The following RABL3 variants were observed in gnomAD, a reference collection of about 807,000 sequenced individuals.
The protein encoded by RABL3 is RAB, member of RAS oncogene family like 3.
In RABL3, 31 loss-of-function variants were observed where a neutral mutation model predicts 31.8. That is an observed-to-expected ratio of 0.97 (90% confidence interval 0.73 to 1.31). RABL3 has a LOEUF of 1.31. RABL3 is among the 40% of genes most tolerant of loss of function. The probability of loss-of-function intolerance (pLI) is 0.00; values close to 1 mark genes in which losing one functional copy is unlikely to be tolerated. For missense variants in RABL3, 263 were observed against 279.6 expected, an observed-to-expected ratio of 0.94 and a Z score of 0.42; for synonymous variants, 97 against 99.9, an observed-to-expected ratio of 0.97 and a Z score of 0.18.
chr3:120,723,734 G>C (rs1373296868), intron 2 of RABL3, among the ~76,000 whole-genome samples: 2 of 152,118 alleles, frequency 1.3e-5, no homozygotes, highest in Non-Finnish European at 2.9e-5. Context: ...AAAAACCTTT[G>C]ACAAAATTCA....
At chr3:120,707,147 G>A (rs1708558375) in intron 3 of RABL3, among the ~76,000 whole-genome samples, 1 of 152,126 alleles carries the variant, frequency 6.6e-6, no homozygotes, top group African/African-American at 2.4e-5. Context: ...AAAAGCAGAA[G>A]AGGTAGAATT....
chr3:120,742,401 G>A (rs1709057050), intron 1 of RABL3, 61 bp downstream of exon 1: 13 of 1,508,290 alleles, frequency 8.6e-6, no homozygotes, highest in South Asian at 1.1e-5. Context: ...GGAAGCTAAG[G>A]GGAGGGTTAC....
intron 2 of RABL3, among the ~76,000 whole-genome samples, chr3:120,724,681 C>G (rs1027096290): frequency 6.6e-6 from 1 of 152,064 alleles, no homozygotes; most frequent in Admixed American, 6.6e-5. Flanking sequence ...ACAAATCTGA[C>G]AAAAACAAGA....
At chr3:120,739,851 A>T (rs1709020701) in intron 1 of RABL3, among the ~76,000 whole-genome samples, 1 of 152,230 alleles carries the variant, frequency 6.6e-6, no homozygotes, top group Admixed American at 6.5e-5. Flanking sequence ...TAATTGTGTT[A>T]GGGTAAACAT....
chr3:120,708,008 T>C (rs75746203), intron 3 of RABL3, among the ~76,000 whole-genome samples: 2,786 of 152,102 alleles, frequency 0.018, 92 homozygotes, highest in African/African-American at 0.064. Flanking sequence ...CCTAGGCTAT[T>C]AGAGAGGGAA....
Position 120,709,866 on chromosome 3 carries a change from T to G in RABL3, c.182A>C (p.Tyr61Ser), listed in dbSNP as rs1408008626. The change falls in exon 3 of 8, where the codon TAC becomes TCC. Residue 61 changes from tyrosine (Y) to serine (S), a missense_variant. Tyr to Ser is a moderately radical substitution (Grantham distance 144). Coordinates refer to ENST00000273375, the MANE Select transcript of RABL3 (RefSeq NM_173825.5). Reference protein sequence around the residue: ...KEGTPEEKTYYIELWDVGGSV... With the variant: ...KEGTPEEKTYSIELWDVGGSV... ...GCCTCCAACATCCCATAATTCTATG[T>G]AGTAGGTCTTCTCTTCTGGGGTTCC... is the stretch of plus-strand genomic sequence containing the variant. 6.2e-7 allele frequency: 1 copy of G among 1,609,676 alleles called. No homozygotes were observed.
At chr3:120,695,226 A>G (rs944060644) in intron 5 of RABL3, among the ~76,000 whole-genome samples, 1 of 152,086 alleles carries the variant, frequency 6.6e-6, no homozygotes. Context: ...TTCATATGCA[A>G]CATTTCAAGG....
intron 2 of RABL3, among the ~76,000 whole-genome samples, chr3:120,715,001 C>A (rs1390281573): frequency 1.3e-5 from 2 of 152,188 alleles, no homozygotes; most frequent in Non-Finnish European, 2.9e-5. Flanking sequence ...ATTTCCAGGA[C>A]AGCTCCAGGT....
intron 6 of RABL3, among the ~76,000 whole-genome samples, chr3:120,692,298 A>G (rs1708389725): frequency 1.3e-5 from 2 of 152,096 alleles, no homozygotes; most frequent in South Asian, 4.2e-4. Flanking sequence ...TCCTGGGTTC[A>G]CGCCATTCTC....
chr3:120,720,796 C>T (rs1708730181), intron 2 of RABL3, among the ~76,000 whole-genome samples: 2 of 152,154 alleles, frequency 1.3e-5, no homozygotes, highest in Non-Finnish European at 2.9e-5. Context: ...CCCAATCTAG[C>T]AAGGCAGGCC....
At chr3:120,742,412 T>C (rs1576352963) in intron 1 of RABL3, 50 bp downstream of exon 1, 4 of 1,570,560 alleles carry the variant, frequency 2.5e-6, no homozygotes, top group Non-Finnish European at 3.5e-6. Flanking sequence ...GGAGGGTTAC[T>C]GGGTAACTCA....
rs1708580877 is a variant in RABL3, at chr3:120,708,886, CT to C, written c.268+893del. ...ATAATATGTATCCAATGAAAAGAAC[CT>C]TCTCTACATCTTTTTGTAGAGTCTA... On this transcript the variant is annotated intron_variant, in intron 3 of 7. Transcript: ENST00000273375. Among the ~76,000 whole-genome samples the C allele has an allele frequency of 2.0e-5, 3 of 151,978 alleles. No individual in the cohort carries two copies. In the South Asian group the frequency reaches 6.2e-4, roughly 31 times the overall value.
chr3:120,706,021 G>T lies in RABL3; in HGVS notation c.362C>A (p.Thr121Asn). 2 of 1,612,122 alleles carry T rather than the reference G, an allele frequency of 1.2e-6. No homozygotes were observed. Among genetic ancestry groups the T allele is most frequent in the Non-Finnish European group, 1.7e-6 (2 of 1,178,184 alleles). The part of the protein sequence containing the change: ...LEALNRDLVP[T>N]GVLVTNGDYD... Reference sequence around the variant, plus strand: ...TCACCCATTTGTCACCAAGACTCCAGTTGGCACCAAATCCCTGTTGAGAGC... The same window carrying T: ...TCACCCATTTGTCACCAAGACTCCATTTGGCACCAAATCCCTGTTGAGAGC... Residue 121 changes from threonine to asparagine, a missense_variant, in exon 4 of 8, where the codon ACT (threonine) becomes AAT (asparagine). Thr to Asn is a moderately conservative substitution (Grantham distance 65). Transcript: ENST00000273375.
intron 4 of RABL3, 49 bp downstream of exon 4, chr3:120,705,951 A>C (rs1255546331): frequency 9.3e-6 from 10 of 1,078,836 alleles, no homozygotes; most frequent in Non-Finnish European, 1.4e-5. Context: ...AGGGAAGTAC[A>C]TTCCTGTGAT....
Position 120,709,811 on chromosome 3 carries a change from G to A in RABL3, c.237C>T (p.Ser79=), listed in dbSNP as rs1490957677. 3.1e-6 allele frequency: 5 copies of A among 1,612,082 alleles called. No individual in the cohort carries two copies. The highest frequency in any genetic ancestry group is 4.2e-6 in the Non-Finnish European group (5 of 1,178,492). The part of the protein sequence containing the change: ...GSVGSASSVK[S]TRAVFYNSVN... ...CGGAGTTGTAGAATACTGCTCTTGTGCTTTTCACGCTGCTGGCACTGCCCA... is the reference window on the plus strand; with the variant it reads ...CGGAGTTGTAGAATACTGCTCTTGTACTTTTCACGCTGCTGGCACTGCCCA... Residue 79 remains serine, a synonymous_variant, in exon 3 of 8, where the codon AGC becomes AGT. Transcript: ENST00000273375.
At chr3:120,740,225 T>C (rs192870802) in intron 1 of RABL3, among the ~76,000 whole-genome samples, 8 of 152,316 alleles carry the variant, frequency 5.3e-5, no homozygotes, top group East Asian at 1.9e-4. Flanking sequence ...AATATCTCAA[T>C]AGGATAAAAA....
intron 2 of RABL3, among the ~76,000 whole-genome samples, chr3:120,723,480 G>T (rs1182306222): frequency 6.6e-6 from 1 of 152,126 alleles, no homozygotes; most frequent in East Asian, 1.9e-4. Context: ...CCAAAGCCTG[G>T]CAGAGACACA....
chr3:120,690,432 A>G lies in RABL3; in HGVS notation c.645+17T>C, dbSNP rs527480057. ...CAAAATTTAAGAATCTATTTTATCA[A>G]GAAAAGAGATACCAACCTGATTACC... On this transcript the variant is annotated intron_variant, in intron 7 of 7. Transcript: ENST00000273375. 1.3e-6 allele frequency: 2 copies of G among 1,524,392 alleles called. No homozygotes were observed. The highest frequency in any genetic ancestry group is 2.3e-5 in the East Asian group (1 of 44,366). 94.4% of individuals were successfully genotyped at this position (1,524,392 alleles called of 1,614,324 possible).
intron 1 of RABL3, among the ~76,000 whole-genome samples, chr3:120,740,958 A>G (rs1338105521): frequency 6.6e-6 from 1 of 152,222 alleles, no homozygotes; most frequent in African/African-American, 2.4e-5. Flanking sequence ...ATGACGCATT[A>G]ATTCCACAGT....
Sources: gnomAD v4.1 joint callset for allele counts (sites outside exome capture counted in the v4.1 genomes callset) on GRCh38, gnomAD v4.1.1 for gene constraint, MANE v1.5 for transcripts, NCBI Gene and HGNC (gene_info 2026-07-23, HGNC 2026-07-21) for gene names.